The following PITPNC1 variants were observed in gnomAD, a reference collection of about 807,000 sequenced individuals.
PITPNC1 encodes the protein phosphatidylinositol transfer protein cytoplasmic 1.
In PITPNC1, 18 loss-of-function variants were observed where a neutral mutation model predicts 44.7. The ratio of observed to expected loss-of-function variants is 0.40; its 90% confidence interval spans 0.28 to 0.60. The LOEUF (loss-of-function observed/expected upper bound fraction) is 0.60, where lower values mean the gene tolerates loss of function less well. Among genes scored for constraint, PITPNC1 ranks in the 20% least tolerant of loss-of-function variants. The pLI, the probability that PITPNC1 is intolerant of heterozygous loss-of-function variation, is 0.39. For missense variants in PITPNC1, 290 were observed against 418.4 expected, an observed-to-expected ratio of 0.69 and a Z score of 2.68; for synonymous variants, 141 against 149.6, an observed-to-expected ratio of 0.94 and a Z score of 0.42.
intron 1 of PITPNC1, among the ~76,000 whole-genome samples, chr17:67,421,681 C>T (rs1335305870): frequency 6.6e-6 from 1 of 152,204 alleles, no homozygotes; most frequent in Non-Finnish European, 1.5e-5. Flanking sequence ...ACCCTCACCC[C>T]AGTTATGGCT....
At chr17:67,430,197 C>T (rs2038834696) in intron 1 of PITPNC1, among the ~76,000 whole-genome samples, 1 of 152,184 alleles carries the variant, frequency 6.6e-6, no homozygotes, top group African/African-American at 2.4e-5. Context: ...CTCCTTACTA[C>T]TCTGTGATTT....
chr17:67,501,540 T>A (rs924962918), intron 1 of PITPNC1, among the ~76,000 whole-genome samples: 3 of 152,074 alleles, frequency 2.0e-5, no homozygotes, highest in Admixed American at 6.6e-5. Flanking sequence ...ACATTAAAAG[T>A]TTGGGGGCTG....
At position 67,562,636 on chromosome 17, in the gene PITPNC1, C is replaced by A. The variant is rs888536447; in HGVS notation, c.294+9019C>A. ...CTACCCTGTCACCATAACCACCCAC[C>A]TTATTTGTATCTAAAGTCATACGTA... On this transcript the variant is annotated intron_variant, in intron 4 of 8. Coordinates refer to ENST00000581322, the MANE Select transcript of PITPNC1 (RefSeq NM_012417.4). Among the ~76,000 whole-genome samples the A allele has an allele frequency of 6.6e-5, 10 of 151,934 alleles. No homozygotes were observed. In the East Asian group the frequency reaches 1.7e-3, roughly 26 times the overall value.
At chr17:67,554,350 C>G (rs757969664) in intron 4 of PITPNC1, among the ~76,000 whole-genome samples, 1 of 150,952 alleles carries the variant, frequency 6.6e-6, no homozygotes, top group Non-Finnish European at 1.5e-5. Context: ...TTTCACCTAC[C>G]GGGTTCAAGC....
rs934735879 is a variant in PITPNC1 at position 67,695,160 on chromosome 17, T to G, written c.*2272T>G. 1 of 152,324 alleles carries G rather than the reference T, an allele frequency of 6.6e-6. No individual in the cohort carries two copies. The highest frequency in any genetic ancestry group is 1.9e-4 in the East Asian group (1 of 5,192). 9.4% of individuals were successfully genotyped at this position (152,324 alleles called of 1,614,324 possible). A position where few individuals can be genotyped will look rare whatever the true frequency, so the allele number is the denominator to read the frequency against. On this transcript the variant is annotated 3_prime_UTR_variant, in exon 9 of 9. Coordinates refer to ENST00000581322, the MANE Select transcript of PITPNC1 (RefSeq NM_012417.4). ...ACAGACATCAGTTGCAAAGCTACGATGATAGTGTGATTCTTAGCCGAAAAA... is the reference window on the plus strand; with the variant it reads ...ACAGACATCAGTTGCAAAGCTACGAGGATAGTGTGATTCTTAGCCGAAAAA...
chr17:67,632,760 G>GT (rs1156886903), intron 6 of PITPNC1, among the ~76,000 whole-genome samples: 1 of 151,874 alleles, frequency 6.6e-6, no homozygotes, highest in Non-Finnish European at 1.5e-5. Flanking sequence ...TAGAGATGGG[G>GT]TTTCACCCTG....
At chr17:67,617,370 G>C (rs1431395340) in intron 5 of PITPNC1, among the ~76,000 whole-genome samples, 1 of 152,204 alleles carries the variant, frequency 6.6e-6, no homozygotes, top group Non-Finnish European at 1.5e-5. Flanking sequence ...GCCAGGCATA[G>C]TGGTGCACAC....
chr17:67,692,489 C>G, intron 8 of PITPNC1, 83 bp from the exon 9 acceptor site: 1 of 946,282 alleles, frequency 1.1e-6, no homozygotes. Flanking sequence ...CCCATAGTTC[C>G]TGTAAAAACA....
intron 1 of PITPNC1, among the ~76,000 whole-genome samples, chr17:67,428,570 C>T (rs1210764797): frequency 6.6e-6 from 1 of 150,750 alleles, no homozygotes; most frequent in Non-Finnish European, 1.5e-5. Flanking sequence ...AGAAAACATA[C>T]TGCGCCTAGC....
chr17:67,400,369 A>G (rs1290498039), intron 1 of PITPNC1, among the ~76,000 whole-genome samples: 1 of 152,228 alleles, frequency 6.6e-6, no homozygotes, highest in African/African-American at 2.4e-5. Flanking sequence ...TCGGGTGACA[A>G]GATTGCCATT....
chr17:67,605,908 C>T (rs2144282436), intron 5 of PITPNC1, among the ~76,000 whole-genome samples: 1 of 152,310 alleles, frequency 6.6e-6, no homozygotes, highest in Middle Eastern at 3.4e-3. Flanking sequence ...AAGTTCAATG[C>T]TCAGTTTGCA....
At chr17:67,632,042 G>T in intron 5 of PITPNC1, 101 bp from the exon 6 acceptor site, 1 of 703,008 alleles carries the variant, frequency 1.4e-6, no homozygotes, top group Non-Finnish European at 2.6e-6. Flanking sequence ...GGGGCCCTGA[G>T]ACGTGTGAAG....
chr17:67,383,444 C>T (rs941374354), intron 1 of PITPNC1, among the ~76,000 whole-genome samples: 1 of 152,172 alleles, frequency 6.6e-6, no homozygotes, highest in Non-Finnish European at 1.5e-5. Flanking sequence ...TACACTGGCT[C>T]TACTCTCTAG....
At chr17:67,613,929 C>CAAAAAAAA (rs61136281) in intron 5 of PITPNC1, 1 of 42,798 alleles carries the variant, frequency 2.3e-5, no homozygotes, top group Non-Finnish European at 4.0e-5. Context: ...CCTATCTCTA[C>CAAAAAAAA]AAAAAAAAAA....
chr17:67,594,023 G>A (rs1424542951), intron 5 of PITPNC1, among the ~76,000 whole-genome samples: 1 of 152,200 alleles, frequency 6.6e-6, no homozygotes, highest in Non-Finnish European at 1.5e-5. Context: ...AGCAATCTTG[G>A]GTCGTGGAGC....
chr17:67,518,900 C>T (rs1006222323), intron 1 of PITPNC1, among the ~76,000 whole-genome samples: 5 of 152,290 alleles, frequency 3.3e-5, no homozygotes, highest in Admixed American at 3.3e-4. Flanking sequence ...CTATTTCACA[C>T]CACTGCACTG....
intron 1 of PITPNC1, among the ~76,000 whole-genome samples, chr17:67,383,039 A>G (rs1421388379): frequency 1.3e-5 from 2 of 151,916 alleles, no homozygotes; most frequent in Non-Finnish European, 2.9e-5. Context: ...TCTTTCACCC[A>G]GGCTGGAGTG....
rs79106608 is a variant in PITPNC1 at position 67,470,401 on chromosome 17, C to G, written c.49-62401C>G. ...AGCTGTCAATTACTTCTCTCTACCC[C>G]CCACATTCCCCACTCCTGTTCCTAA... On this transcript the variant is annotated intron_variant, in intron 1 of 8. Transcript: ENST00000581322. 1.9e-3 allele frequency among the ~76,000 whole-genome samples: 289 copies of G among 152,370 alleles called. 1 individual carries two copies. The highest frequency in any genetic ancestry group is 3.1e-3 in the Non-Finnish European group (209 of 68,038).
intron 8 of PITPNC1, among the ~76,000 whole-genome samples, chr17:67,677,039 G>T (rs977353171): frequency 6.6e-6 from 1 of 152,024 alleles, no homozygotes; most frequent in Non-Finnish European, 1.5e-5. Flanking sequence ...GTTTTGTGAG[G>T]CAGGCAGGAG....
Sources: gnomAD v4.1 joint callset for allele counts (sites outside exome capture counted in the v4.1 genomes callset) on GRCh38, gnomAD v4.1.1 for gene constraint, MANE v1.5 for transcripts, NCBI Gene and HGNC (gene_info 2026-07-23, HGNC 2026-07-21) for gene names.